Variants in TP63 observed in about 807,000 individuals in gnomAD.
TP63 encodes tumor protein p63.
Under a neutral mutation model 82.8 loss-of-function variants are expected in TP63, and 17 were observed. The observed-to-expected ratio is 0.21, with a 90% CI of 0.14 to 0.31. The LOEUF (loss-of-function observed/expected upper bound fraction) is 0.31. Ranked by LOEUF, TP63 falls within the 10% of genes least tolerant of loss-of-function variation. The pLI is 1.00. For synonymous variants in TP63, 330 were observed against 321.7 expected, an observed-to-expected ratio of 1.03 and a Z score of -0.28; for missense variants, 648 against 895.3, an observed-to-expected ratio of 0.72 and a Z score of 3.52.
At chr3:189,644,853 A>G (rs1712256204) in intron 1 of TP63, among the ~76,000 whole-genome samples, 1 of 151,800 alleles carries the variant, frequency 6.6e-6, no homozygotes, top group Non-Finnish European at 1.5e-5. Flanking sequence ...TGCAAATGCC[A>G]TTATTTCTTT....
intron 4 of TP63, among the ~76,000 whole-genome samples, chr3:189,815,475 G>A (rs562444496): frequency 1.3e-5 from 2 of 151,742 alleles, no homozygotes; most frequent in Admixed American, 6.6e-5. Context: ...GTTGTCACAG[G>A]GGAAAGTAGA....
At chr3:189,615,233 C>T in the TP63 span, among the ~76,000 whole-genome samples, 3 of 152,118 alleles carry the variant, frequency 2.0e-5, no homozygotes, top group Non-Finnish European at 2.9e-5. Context: ...CCATGTGCAC[C>T]GTCTTCTTCA....
At chr3:189,624,096 T>G in the TP63 span, among the ~76,000 whole-genome samples, 1 of 152,114 alleles carries the variant, frequency 6.6e-6, no homozygotes. Context: ...ATGCTGAGTA[T>G]TAATTTCCTC....
chr3:189,760,335 C>G (rs1320952713), intron 3 of TP63, among the ~76,000 whole-genome samples: 2 of 152,176 alleles, frequency 1.3e-5, no homozygotes, highest in East Asian at 3.9e-4. Flanking sequence ...CAAGTTAGTT[C>G]CTTCCTAGAT....
chr3:189,762,804 T>C (rs1412699188), intron 3 of TP63, among the ~76,000 whole-genome samples: 1 of 152,174 alleles, frequency 6.6e-6, no homozygotes, highest in African/African-American at 2.4e-5. Context: ...AGTCTATCAC[T>C]GCCTACAACT....
intron 4 of TP63, among the ~76,000 whole-genome samples, chr3:189,818,704 A>G (rs2108665297): frequency 6.6e-6 from 1 of 152,332 alleles, no homozygotes; most frequent in Non-Finnish European, 1.5e-5. Context: ...ATATTACTTA[A>G]GAATTTTGCT....
At chr3:189,715,486 T>A (rs9840944) in intron 1 of TP63, among the ~76,000 whole-genome samples, 40,149 of 152,134 alleles carry the variant, frequency 0.26, 5,565 homozygotes, top group South Asian at 0.34. Context: ...GGAATATTCC[T>A]TGATATAAAC....
intron 3 of TP63, among the ~76,000 whole-genome samples, chr3:189,777,874 G>A (rs1405029340): frequency 5.2e-5 from 1 of 19,244 alleles, no homozygotes; most frequent in Non-Finnish European, 9.3e-5. Flanking sequence ...TTTTTTTTTT[G>A]AGTCAGAGTC....
chr3:189,868,619 C>T lies in TP63; in HGVS notation c.1032C>T (p.Ile344=), dbSNP rs764411597. ...GCCGACGCTGCTTTGAGGCCCGGAT[C>T]TGTGCTTGCCCAGGAAGAGACAGGA... ...VLGRRCFEAR[I]CACPGRDRKA... is the part of the protein sequence containing the mutation. Residue 344 remains isoleucine (I), a synonymous_variant, in exon 8 of 14, where the codon ATC becomes ATT. Coordinates refer to ENST00000264731, the MANE Select transcript of TP63 (RefSeq NM_003722.5). The T allele has an allele frequency of 1.8e-5, 29 of 1,614,120 alleles. No homozygotes were observed. Among genetic ancestry groups the T allele is most frequent in the Admixed American group, 8.3e-5 (5 of 60,018 alleles).
intron 10 of TP63, chr3:189,880,723 A>C: frequency 3.0e-6 from 3 of 985,462 alleles, no homozygotes; most frequent in Non-Finnish European, 3.6e-6. Context: ...CGAAGGTGTC[A>C]AGTGTACTGC....
chr3:189,780,936 T>C (rs1412834939), intron 3 of TP63, among the ~76,000 whole-genome samples: 1 of 152,196 alleles, frequency 6.6e-6, no homozygotes, highest in Non-Finnish European at 1.5e-5. Flanking sequence ...TTTCTCATTT[T>C]GTGTTTGTGG....
At chr3:189,888,664 CT>C (rs1298379058) in intron 11 of TP63, among the ~76,000 whole-genome samples, 1 of 152,102 alleles carries the variant, frequency 6.6e-6, no homozygotes, top group Non-Finnish European at 1.5e-5. Flanking sequence ...TGATATTAAA[CT>C]TTTTTTCTCT....
chr3:189,662,061 T>C (rs190610811), intron 1 of TP63, among the ~76,000 whole-genome samples: 2 of 152,178 alleles, frequency 1.3e-5, no homozygotes, highest in Non-Finnish European at 2.9e-5. Context: ...GTCTCAAGTT[T>C]CCTAAGCTCT....
intron 3 of TP63, among the ~76,000 whole-genome samples, chr3:189,796,907 A>G (rs1219105488): frequency 6.6e-6 from 1 of 152,074 alleles, no homozygotes; most frequent in Non-Finnish European, 1.5e-5. Flanking sequence ...TTCTTTTTCA[A>G]AGACAAAGTA....
At chr3:189,621,442 A>G in the TP63 span, among the ~76,000 whole-genome samples, 1 of 152,060 alleles carries the variant, frequency 6.6e-6, no homozygotes, top group East Asian at 1.9e-4. Flanking sequence ...GTATATACAT[A>G]CATATATATA....
intron 1 of TP63, among the ~76,000 whole-genome samples, chr3:189,719,175 G>A (rs1184073364): frequency 1.3e-5 from 2 of 152,090 alleles, no homozygotes; most frequent in Admixed American, 6.6e-5. Flanking sequence ...CGGTGTTCTC[G>A]GTTTGGTAAA....
chr3:189,752,995 G>T (rs1721933592), intron 3 of TP63, among the ~76,000 whole-genome samples: 1 of 151,926 alleles, frequency 6.6e-6, no homozygotes, highest in Admixed American at 6.6e-5. Context: ...TTTCATTATG[G>T]TCAGAAAATA....
chr3:189,851,390 G>A (rs1299959606), intron 4 of TP63, among the ~76,000 whole-genome samples: 1 of 152,082 alleles, frequency 6.6e-6, no homozygotes, highest in African/African-American at 2.4e-5. Flanking sequence ...GGGAAACCCC[G>A]TCTCTGCTGA....
At chr3:189,634,521 T>C (rs1325023651) in intron 1 of TP63, among the ~76,000 whole-genome samples, 1 of 152,046 alleles carries the variant, frequency 6.6e-6, no homozygotes, top group Admixed American at 6.6e-5. Flanking sequence ...ATTGAGCATT[T>C]AGTTGTGCCC....
Sources: gnomAD v4.1 joint callset for allele counts (sites outside exome capture counted in the v4.1 genomes callset) on GRCh38, gnomAD v4.1.1 for gene constraint, MANE v1.5 for transcripts, NCBI Gene and HGNC (gene_info 2026-07-23, HGNC 2026-07-21) for gene names.